The following NAA11 variants were observed in gnomAD, a reference collection of about 807,000 sequenced individuals.
The protein encoded by NAA11 is N-alpha-acetyltransferase 11, NatA catalytic subunit.
Under a neutral mutation model 16.1 loss-of-function variants are expected in NAA11, and 15 were observed. That is an observed-to-expected ratio of 0.93 (90% CI 0.62 to 1.44). The LOEUF is 1.44. NAA11 is among the 40% of genes most tolerant of loss of function. The pLI is 0.00. For synonymous variants in NAA11, 122 were observed against 112.4 expected (o/e 1.09, Z -0.54); for missense variants, 298 against 291.3 (o/e 1.02, Z -0.17).
the NAA11 span, among the ~76,000 whole-genome samples, chr4:79,171,657 A>G: frequency 1.3e-5 from 2 of 152,210 alleles, no homozygotes; most frequent in Non-Finnish European, 2.9e-5. Context: ...ATGTGAACAT[A>G]GCACCATTAT....
chr4:79,283,027 C>A (rs931260383), intron 2 of NAA11, among the ~76,000 whole-genome samples: 1 of 151,994 alleles, frequency 6.6e-6, no homozygotes. Context: ...TTCACCATGG[C>A]CAACGCTGCT....
At chr4:79,254,794 T>C (rs1410971159) in intron 2 of NAA11, among the ~76,000 whole-genome samples, 1 of 151,996 alleles carries the variant, frequency 6.6e-6, no homozygotes, top group Non-Finnish European at 1.5e-5. Flanking sequence ...ATGACACATA[T>C]ACCATATATT....
the NAA11 span, among the ~76,000 whole-genome samples, chr4:79,189,101 G>T: frequency 1.6e-5 from 2 of 127,766 alleles, no homozygotes; most frequent in African/African-American, 3.0e-5. Flanking sequence ...AGCTGAGATC[G>T]CACCACTTCA....
At chr4:79,293,721 C>T (rs948728809) in intron 2 of NAA11, among the ~76,000 whole-genome samples, 8 of 152,110 alleles carry the variant, frequency 5.3e-5, no homozygotes, top group African/African-American at 7.2e-5. Context: ...AGTGAGAAAT[C>T]GAATGACCAA....
chr4:79,290,680 G>A (rs1723059921), intron 2 of NAA11, among the ~76,000 whole-genome samples: 1 of 152,074 alleles, frequency 6.6e-6, no homozygotes, highest in African/African-American at 2.4e-5. Flanking sequence ...GTCTAGGTTG[G>A]GTTTGATCTT....
Position 79,245,828 on chromosome 4 carries a change from G to T in NAA11, c.*123-19558C>A, listed in dbSNP as rs71333814. Among the ~76,000 whole-genome samples, 13 of 152,166 alleles carry T rather than the reference G, an allele frequency of 8.5e-5. No homozygotes were observed. The South Asian group carries it at 1.5e-3, about 17-fold the overall frequency. On this transcript the variant is annotated intron_variant and NMD_transcript_variant, in intron 2 of 2. Transcript: ENST00000511542. ...AGGGGCCCCTCTGCCCGGCCGCCACGTCTGGGAAGTGAGGAGCCCCTCTGC... is the reference window on the plus strand; with the variant it reads ...AGGGGCCCCTCTGCCCGGCCGCCACTTCTGGGAAGTGAGGAGCCCCTCTGC...
the NAA11 span, among the ~76,000 whole-genome samples, chr4:79,203,306 A>G: frequency 5.9e-4 from 89 of 151,902 alleles, 1 homozygote; most frequent in African/African-American, 2.0e-3. Context: ...GCATCTTGCA[A>G]CACATACTTG....
At chr4:79,161,842 CT>C in the NAA11 span, among the ~76,000 whole-genome samples, 1 of 152,272 alleles carries the variant, frequency 6.6e-6, no homozygotes, top group East Asian at 1.9e-4. Context: ...GCCACCACCC[CT>C]GGCTAATTTT....
At chr4:79,288,375 A>G (rs1022966037) in intron 2 of NAA11, among the ~76,000 whole-genome samples, 1 of 152,242 alleles carries the variant, frequency 6.6e-6, no homozygotes, top group East Asian at 1.9e-4. Flanking sequence ...GTTGTAAGAA[A>G]AAAAACATTA....
chr4:79,296,224 G>A (rs1171119571), intron 1 of NAA11, among the ~76,000 whole-genome samples: 3 of 152,120 alleles, frequency 2.0e-5, no homozygotes, highest in African/African-American at 7.2e-5. Context: ...AACAGTTTGA[G>A]GAATGTTACT....
At chr4:79,320,673 T>A (rs1253595361) in intron 1 of NAA11, among the ~76,000 whole-genome samples, 1 of 152,232 alleles carries the variant, frequency 6.6e-6, no homozygotes, top group African/African-American at 2.4e-5. Context: ...GAGCAATTTT[T>A]ATTACCATTT....
intron 2 of NAA11, among the ~76,000 whole-genome samples, chr4:79,236,587 T>C (rs1021292584): frequency 6.6e-6 from 1 of 152,158 alleles, no homozygotes; most frequent in Non-Finnish European, 1.5e-5. Context: ...ATTTTTAATT[T>C]GAAAAAAATT....
the NAA11 span, among the ~76,000 whole-genome samples, chr4:79,204,123 G>A: frequency 1.3e-5 from 2 of 151,768 alleles, no homozygotes; most frequent in Non-Finnish European, 2.9e-5. Context: ...TTAACAGCCC[G>A]CTTACTATAT....
chr4:79,189,855 T>A, the NAA11 span, among the ~76,000 whole-genome samples: 1 of 152,124 alleles, frequency 6.6e-6, no homozygotes, highest in Admixed American at 6.6e-5. Flanking sequence ...AAATAATTGA[T>A]AGAGCAAAGA....
At chr4:79,208,944 A>AAAAAAC in the NAA11 span, among the ~76,000 whole-genome samples, 2 of 148,948 alleles carry the variant, frequency 1.3e-5, no homozygotes, top group Admixed American at 6.7e-5. Context: ...AAAAAAAAAA[A>AAAAAAC]AAACCCCAAA....
intron 2 of NAA11, among the ~76,000 whole-genome samples, chr4:79,244,005 G>A (rs1721750806): frequency 6.6e-6 from 1 of 152,178 alleles, no homozygotes; most frequent in South Asian, 2.1e-4. Flanking sequence ...ATGCCCAACT[G>A]AGGCTTTCTT....
At chr4:79,311,825 A>G (rs1723778837), downstream of NAA11, among the ~76,000 whole-genome samples, 1 of 152,230 alleles carries the variant, frequency 6.6e-6, no homozygotes, top group African/African-American at 2.4e-5. Context: ...AGAAGATAAT[A>G]AAATTAAAGA....
At chr4:79,290,059 T>C (rs921913557) in intron 2 of NAA11, among the ~76,000 whole-genome samples, 1 of 152,186 alleles carries the variant, frequency 6.6e-6, no homozygotes, top group African/African-American at 2.4e-5. Context: ...CTTTCTTGTT[T>C]ACTTCCTTTT....
intron 2 of NAA11, among the ~76,000 whole-genome samples, chr4:79,278,914 T>C (rs1383089328): frequency 6.6e-6 from 1 of 152,058 alleles, no homozygotes; most frequent in Non-Finnish European, 1.5e-5. Flanking sequence ...GATCAAGATG[T>C]CAGCATTTGG....
Sources: allele counts gnomAD v4.1 joint callset (sites outside exome capture counted in the v4.1 genomes callset), GRCh38; gene constraint gnomAD v4.1.1; transcripts MANE v1.5; gene names NCBI Gene and HGNC (gene_info 2026-07-23, HGNC 2026-07-21).